The following GARIN2 variants were observed in gnomAD, a reference collection of about 807,000 sequenced individuals.
GARIN2 encodes the protein Golgi-associated RAB2 interactor protein 2.
chr14:67,208,252 T>C, the GARIN2 span: 1 of 1,614,000 alleles, frequency 6.2e-7, no homozygotes, highest in South Asian at 1.1e-5. Context: ...ATACAAAAAG[T>C]AAGAGTGAGT....
At chr14:67,199,744 G>A in the GARIN2 span, 5 of 1,564,972 alleles carry the variant, frequency 3.2e-6, no homozygotes, top group South Asian at 5.8e-5. Context: ...TATCATCATT[G>A]GGGTCTGGGC....
chr14:67,211,829 G>A, the GARIN2 span, among the ~76,000 whole-genome samples: 1 of 152,070 alleles, frequency 6.6e-6, no homozygotes, highest in South Asian at 2.1e-4. Flanking sequence ...GGGTGATGGA[G>A]CAAGACACTG....
the GARIN2 span, among the ~76,000 whole-genome samples, chr14:67,193,267 T>A: frequency 7.4e-6 from 1 of 135,704 alleles, no homozygotes; most frequent in African/African-American, 2.8e-5. Context: ...TATATAGACA[T>A]CTATCTATAT....
chr14:67,226,129 G>A, the GARIN2 span, among the ~76,000 whole-genome samples: 1 of 152,178 alleles, frequency 6.6e-6, no homozygotes, highest in African/African-American at 2.4e-5. Context: ...CCACCCTTCT[G>A]TCACTCTGCC....
chr14:67,193,276 A>G, the GARIN2 span, among the ~76,000 whole-genome samples: 9 of 137,990 alleles, frequency 6.5e-5, no homozygotes, highest in African/African-American at 2.4e-4. Flanking sequence ...ATCTATCTAT[A>G]TATCTCTATA....
At chr14:67,214,117 G>C in the GARIN2 span, among the ~76,000 whole-genome samples, 18 of 152,196 alleles carry the variant, frequency 1.2e-4, no homozygotes, top group South Asian at 1.2e-3. Context: ...TTATAGGTTG[G>C]CTGTTCACTC....
At chr14:67,214,813 C>A in the GARIN2 span, among the ~76,000 whole-genome samples, 15 of 152,088 alleles carry the variant, frequency 9.9e-5, no homozygotes, top group African/African-American at 3.6e-4. Flanking sequence ...GAATGTTCTT[C>A]CATTTATTTG....
chr14:67,225,970 C>CGT, the GARIN2 span, among the ~76,000 whole-genome samples: 1,667 of 104,904 alleles, frequency 0.016, 38 homozygotes, highest in African/African-American at 0.045. Flanking sequence ...TGTGCGCGCG[C>CGT]GCGCGTGCGC....
the GARIN2 span, among the ~76,000 whole-genome samples, chr14:67,193,152 A>C: frequency 7.0e-6 from 1 of 143,756 alleles, no homozygotes; most frequent in African/African-American, 2.5e-5. Context: ...CTATCTATAT[A>C]TCTCTATATA....
the GARIN2 span, chr14:67,204,678 G>C: frequency 4.3e-6 from 7 of 1,613,898 alleles, no homozygotes; most frequent in East Asian, 1.6e-4. Context: ...TTTCTCAATG[G>C]GTGGCCCTCA....
chr14:67,224,474 A>G, the GARIN2 span, among the ~76,000 whole-genome samples: 1 of 151,808 alleles, frequency 6.6e-6, no homozygotes, highest in Non-Finnish European at 1.5e-5. Flanking sequence ...GTTAGCCAGG[A>G]TGGTCTCAAT....
the GARIN2 span, chr14:67,205,106 A>G: frequency 6.5e-7 from 1 of 1,537,956 alleles, no homozygotes; most frequent in South Asian, 1.2e-5. Context: ...GTCACTGAAG[A>G]CTTTCATGCT....
At chr14:67,201,782 C>T in the GARIN2 span, 2 of 266,844 alleles carry the variant, frequency 7.5e-6, no homozygotes, top group African/African-American at 2.3e-5. Flanking sequence ...CAACCTCTTT[C>T]TTTCAATGAT....
At chr14:67,203,975 G>C in the GARIN2 span, among the ~76,000 whole-genome samples, 1 of 152,186 alleles carries the variant, frequency 6.6e-6, no homozygotes, top group Non-Finnish European at 1.5e-5. Context: ...GCCTCCCAAA[G>C]TGCTGGGATT....
the GARIN2 span, chr14:67,200,123 G>A: frequency 1.9e-6 from 2 of 1,071,466 alleles, no homozygotes; most frequent in South Asian, 1.5e-5. Flanking sequence ...CCCCCCCGAA[G>A]GCCTCCATTC....
At chr14:67,216,808 T>G in the GARIN2 span, among the ~76,000 whole-genome samples, 1 of 152,220 alleles carries the variant, frequency 6.6e-6, no homozygotes, top group Non-Finnish European at 1.5e-5. Flanking sequence ...ATAAACTTTT[T>G]GACATTTGTT....
chr14:67,212,633 A>ATATTTATTTATATGT, the GARIN2 span, among the ~76,000 whole-genome samples: 1 of 145,754 alleles, frequency 6.9e-6, no homozygotes, highest in African/African-American at 2.5e-5. Flanking sequence ...TATTATATAT[A>ATATTTATTTATATGT]ATATATATTA....
At chr14:67,193,566 T>TATATAGATCTATATATAGATATAG in the GARIN2 span, among the ~76,000 whole-genome samples, 2 of 144,202 alleles carry the variant, frequency 1.4e-5, no homozygotes, top group African/African-American at 2.5e-5. Context: ...GATCTATATC[T>TATATAGATCTATATATAGATATAG]ATATAGATCT....
chr14:67,201,318 T>A, the GARIN2 span: 4 of 351,884 alleles, frequency 1.1e-5, no homozygotes, highest in Non-Finnish European at 2.2e-5. Flanking sequence ...TAAATATTTT[T>A]AAAAAAATTT....
Sources: allele counts gnomAD v4.1 joint callset (sites outside exome capture counted in the v4.1 genomes callset), GRCh38; gene constraint gnomAD v4.1.1; transcripts MANE v1.5; gene names NCBI Gene and HGNC (gene_info 2026-07-23, HGNC 2026-07-21).